PARP11: variants seen among roughly 807,000 people sequenced by gnomAD.
PARP11 encodes the protein protein mono-ADP-ribosyltransferase PARP11.
In PARP11, 31 loss-of-function variants were observed where a neutral mutation model predicts 42.9. The observed-to-expected ratio is 0.72, with a 90% CI of 0.54 to 0.98. The LOEUF (loss-of-function observed/expected upper bound fraction) is 0.98. Among genes scored for constraint, PARP11 ranks in the 50% least tolerant of loss-of-function variants. The pLI is 0.00. For missense variants in PARP11, 365 were observed against 413.1 expected (o/e 0.88, Z 1.01); for synonymous variants, 137 against 127.3 (o/e 1.08, Z -0.51).
chr12:3,841,324 C>T (rs1325221680), intron 1 of PARP11: 1 of 1,223,888 alleles, frequency 8.2e-7, no homozygotes, highest in East Asian at 2.3e-5. Flanking sequence ...GTGGGCCCCA[C>T]ATTCTTACCT....
chr12:3,872,793 A>G (rs539380560), intron 1 of PARP11: 2 of 985,350 alleles, frequency 2.0e-6, no homozygotes, highest in Non-Finnish European at 2.4e-6. Flanking sequence ...CAAAACACAA[A>G]GTTTCAAAAA....
rs139337483 is a variant in PARP11, at chr12:3,856,695, T to C, written c.18+16517A>G. Reference sequence around the variant, plus strand: ...GTGGGAGTGTAAACTAGTTCAACCATTGTGGAAGATGGAAGACACTGTGGT... The same window carrying C: ...GTGGGAGTGTAAACTAGTTCAACCACTGTGGAAGATGGAAGACACTGTGGT... On this transcript the variant is annotated intron_variant, in intron 1 of 7. Coordinates refer to ENST00000228820, the MANE Select transcript of PARP11 (RefSeq NM_020367.6). Among the ~76,000 whole-genome samples, 889 of 152,274 alleles carry C rather than the reference T, an allele frequency of 5.8e-3. 17 individuals carry two copies. The highest frequency in any genetic ancestry group is 0.02 in the African/African-American group (828 of 41,542).
At chr12:3,839,993 A>C in intron 1 of PARP11, 1 of 1,561,958 alleles carries the variant, frequency 6.4e-7, no homozygotes, top group Non-Finnish European at 8.8e-7. Context: ...GGCAACGAGC[A>C]GCTGAAGAAC....
chr12:3,864,905 C>T (rs538379425), intron 1 of PARP11, among the ~76,000 whole-genome samples: 8 of 152,138 alleles, frequency 5.3e-5, no homozygotes, highest in Admixed American at 4.6e-4. Context: ...GATTTCCACT[C>T]TAACCTTTAT....
At chr12:3,839,636 T>C (rs1947846700) in intron 1 of PARP11, 3 of 1,008,370 alleles carry the variant, frequency 3.0e-6, no homozygotes, top group African/African-American at 1.6e-5. Context: ...CTTTCTCTTA[T>C]GTACAGGAAA....
At chr12:3,835,640 G>A (rs1485411095) in intron 1 of PARP11, among the ~76,000 whole-genome samples, 1 of 152,076 alleles carries the variant, frequency 6.6e-6, no homozygotes, top group Non-Finnish European at 1.5e-5. Context: ...AACAGGTTAA[G>A]GGAAATTATG....
chr12:3,829,821 T>C (rs2138045121), intron 2 of PARP11, 69 bp downstream of exon 2: 7 of 1,482,224 alleles, frequency 4.7e-6, no homozygotes, highest in Middle Eastern at 1.8e-4. Flanking sequence ...ATACTCATTT[T>C]ACATACATCA....
In PARP11 at chr12:3,861,607, G is replaced by A. The variant is rs184076737; in HGVS notation, c.18+11605C>T. On this transcript the variant is annotated intron_variant, in intron 1 of 7. Coordinates refer to ENST00000228820, the MANE Select transcript of PARP11 (RefSeq NM_020367.6). This position sits in a 1 kb window ranked among gnomAD's most constrained non-coding sequence, Gnocchi z 4.6. ...ATATGCTTTTTAAATACTTTCTCCC[G>A]TCTGTGGCTTATCTTTTCATTCTCC... is the stretch of plus-strand genomic sequence containing the variant. Among the ~76,000 whole-genome samples, 23 of 151,960 alleles carry A rather than the reference G, an allele frequency of 1.5e-4. No homozygotes were observed. The highest frequency in any genetic ancestry group is 4.2e-4 in the South Asian group (2 of 4,816).
chr12:3,810,715 GAAGAGA>G lies in PARP11; in HGVS notation c.*1402_*1407del, dbSNP rs200307166. Reference sequence around the variant, plus strand: ...AGAAGGAAGGAAGAGAGAGAGAAGAGAAGAGAAAGAGAAAGAGAAAGAGGAAGAGAA... The same window carrying G: ...AGAAGGAAGGAAGAGAGAGAGAAGAGAAGAGAAAGAGAAAGAGGAAGAGAA... On this transcript the variant is annotated 3_prime_UTR_variant, in exon 8 of 8. Transcript: ENST00000228820. The G allele has an allele frequency of 0.089, 12,690 of 142,852 alleles. 711 individuals are homozygous for G. Among genetic ancestry groups the G allele is most frequent in the Non-Finnish European group, 0.13 (8,518 of 66,518 alleles). 8.8% of individuals were successfully genotyped at this position (142,852 alleles called of 1,614,324 possible). A position where few individuals can be genotyped will look rare whatever the true frequency, so the allele number is the denominator to read the frequency against.
chr12:3,826,029 C>T, intron 4 of PARP11, 129 bp downstream of exon 4: 1 of 590,176 alleles, frequency 1.7e-6, no homozygotes, highest in South Asian at 2.3e-5. Flanking sequence ...GCGCCTGGCC[C>T]AAGATTTGAT....
Position 3,814,062 on chromosome 12 carries a change from A to T in PARP11, c.675T>A (p.Gly225=), listed in dbSNP as rs1199231272. Residue 225 remains glycine, a synonymous_variant, in exon 7 of 8, where the codon GGT becomes GGA. Transcript: ENST00000228820. The part of the protein sequence containing the change: ...CIHNFDWRIN[G]IHGAVFGKGT... ...CTTTTCCAAAGACAGCACCATGTAT[A>T]CCATTTATTCTCCAATCAAAGTTAT... is the stretch of plus-strand genomic sequence containing the variant. 2 of 1,601,516 alleles carry T rather than the reference A, an allele frequency of 1.2e-6. No homozygotes were observed. The highest frequency in any genetic ancestry group is 1.7e-6 in the Non-Finnish European group (2 of 1,172,344).
In PARP11 at chr12:3,841,588, G is replaced by A. The variant is rs191111726; in HGVS notation, c.19-11570C>T. The A allele has an allele frequency of 3.4e-4, 552 of 1,612,056 alleles. 2 individuals are homozygous for A. The African/African-American group carries it at 4.8e-3, about 14-fold the overall frequency. On this transcript the variant is annotated intron_variant, in intron 1 of 7. Coordinates refer to ENST00000228820, the MANE Select transcript of PARP11 (RefSeq NM_020367.6). ...TCCATCTCAGGTGTCTGAAAGTCAC[G>A]GACAATTGTCTTACCAGGCTGATCT...
At chr12:3,864,028 T>G (rs1246020421) in intron 1 of PARP11, 12 of 152,172 alleles carry the variant, frequency 7.9e-5, no homozygotes, top group Admixed American at 7.9e-4. Flanking sequence ...GAAACAAGCT[T>G]AAGAATGGGC....
At chr12:3,841,318 GC>G (rs1271142253) in intron 1 of PARP11, 1 of 1,230,558 alleles carries the variant, frequency 8.1e-7, no homozygotes, top group Non-Finnish European at 1.2e-6. Flanking sequence ...TCCTGTGTGG[GC>G]CCCACATTCT....
At chr12:3,822,556 G>A (rs1006931442) in intron 4 of PARP11, among the ~76,000 whole-genome samples, 2 of 145,766 alleles carry the variant, frequency 1.4e-5, no homozygotes, top group East Asian at 4.1e-4. Context: ...CCGAGATTGC[G>A]CCACTGCACT....
rs1218888132 is a variant in PARP11 at position 3,848,829 on chromosome 12, A to G, written c.19-18811T>C. Among the ~76,000 whole-genome samples the G allele has an allele frequency of 3.3e-5, 5 of 152,224 alleles. No homozygotes were observed. The East Asian group carries it at 9.6e-4, about 29-fold the overall frequency. ...AATTACATCAAACTAAAAAGAGTCT[A>G]CACAACAAAGGAAACAATCAACAAA... On this transcript the variant is annotated intron_variant, in intron 1 of 7. Transcript: ENST00000228820.
Position 3,814,084 on chromosome 12 carries a change from T to A in PARP11, c.653A>T (p.Asn218Ile), listed in dbSNP as rs1159173179. The change falls in exon 7 of 8, where the codon AAC (asparagine) becomes ATC (isoleucine). Residue 218 changes from asparagine to isoleucine, a missense_variant. Transcript: ENST00000228820. ...TATACCATTTATTCTCCAATCAAAG[T>A]TATGAATGCAGATTGCTTCCACAAA... ...SEFVEAICIH[N>I]FDWRINGIHG... 6.2e-7 allele frequency: 1 copy of A among 1,607,848 alleles called. No individual in the cohort carries two copies. The highest frequency in any genetic ancestry group is 8.5e-7 in the Non-Finnish European group (1 of 1,176,116).
At chr12:3,867,298 T>C (rs1948409841) in intron 1 of PARP11, among the ~76,000 whole-genome samples, 1 of 152,104 alleles carries the variant, frequency 6.6e-6, no homozygotes, top group Admixed American at 6.6e-5. Flanking sequence ...CTATTCAGAG[T>C]ATGCGCTCTC....
At chr12:3,858,226 A>T (rs1486258599) in intron 1 of PARP11, among the ~76,000 whole-genome samples, 1 of 152,264 alleles carries the variant, frequency 6.6e-6, no homozygotes, top group Non-Finnish European at 1.5e-5. Flanking sequence ...GATGTTTCTA[A>T]TATTGATAAT....
Sources: gnomAD v4.1 joint callset for allele counts (sites outside exome capture counted in the v4.1 genomes callset) on GRCh38, gnomAD v4.1.1 for gene constraint, Gnocchi (gnomAD v3.1) non-coding constraint, MANE v1.5 for transcripts, NCBI Gene and HGNC (gene_info 2026-07-23, HGNC 2026-07-21) for gene names.